Variants in TMEM62 observed in about 807,000 individuals in gnomAD.
TMEM62 encodes the protein transmembrane protein 62.
In TMEM62, 41 loss-of-function variants were observed where a neutral mutation model predicts 70.4. That is an observed-to-expected ratio of 0.58 (90% CI 0.45 to 0.76). The LOEUF (loss-of-function observed/expected upper bound fraction) is 0.76, where lower values mean the gene tolerates loss of function less well. Ranked by LOEUF, TMEM62 falls within the 30% of genes least tolerant of loss-of-function variation. The pLI is 0.00. For missense variants in TMEM62, 688 were observed against 788.5 expected, an observed-to-expected ratio of 0.87 and a Z score of 1.53; for synonymous variants, 268 against 291.0, an observed-to-expected ratio of 0.92 and a Z score of 0.80.
intron 3 of TMEM62, among the ~76,000 whole-genome samples, chr15:43,138,122 C>T (rs2035491775): frequency 6.6e-6 from 1 of 152,152 alleles, no homozygotes; most frequent in South Asian, 2.1e-4. Context: ...ATCAAGATTC[C>T]AGGGTTTTAG....
rs1264126540 is a variant in TMEM62 at position 43,184,822 on chromosome 15, A to T, written c.*236A>T. On this transcript the variant is annotated 3_prime_UTR_variant, in exon 14 of 14. Transcript: ENST00000260403. ...TCCTTCCCTCCCTAAGGAGGCAAAG[A>T]GTTGATTTACCTTTGTGAAGAGAAA... 4 of 560,084 alleles carry T rather than the reference A, an allele frequency of 7.1e-6. No individual in the cohort carries two copies. Among genetic ancestry groups the T allele is most frequent in the Admixed American group, 6.4e-5 (2 of 31,322 alleles). 34.7% of individuals were successfully genotyped at this position (560,084 alleles called of 1,614,324 possible).
intron 12 of TMEM62, 105 bp from the exon 13 acceptor site, chr15:43,181,076 C>A: frequency 1.3e-6 from 1 of 758,326 alleles, no homozygotes; most frequent in Non-Finnish European, 2.3e-6. Context: ...TTATAGATGG[C>A]TAGTCTCATA....
At chr15:43,134,190 G>C (rs1223629911) in intron 1 of TMEM62, 67 bp from the exon 2 acceptor site, 7 of 1,551,728 alleles carry the variant, frequency 4.5e-6, no homozygotes, top group Non-Finnish European at 5.3e-6. Context: ...GAGAGCCGCT[G>C]AGCCGCCCCT....
Position 43,150,670 on chromosome 15 carries a change from T to G in TMEM62, c.867-1120T>G, listed in dbSNP as rs544612950. On this transcript the variant is annotated intron_variant, in intron 7 of 13. Coordinates refer to ENST00000260403, the MANE Select transcript of TMEM62 (RefSeq NM_024956.4). Reference sequence around the variant, plus strand: ...GTCAGAACAACTCTTATCCATGGGATGAGTCAGTAATTCAGACTTCCTCCA... The same window carrying G: ...GTCAGAACAACTCTTATCCATGGGAGGAGTCAGTAATTCAGACTTCCTCCA... Among the ~76,000 whole-genome samples, 5 of 152,384 alleles carry G rather than the reference T, an allele frequency of 3.3e-5. 1 individual carries two copies. In the South Asian group the frequency reaches 1.0e-3, roughly 32 times the overall value.
intron 12 of TMEM62, among the ~76,000 whole-genome samples, chr15:43,180,496 GA>G (rs1019702049): frequency 3.9e-5 from 6 of 152,026 alleles, no homozygotes; most frequent in Non-Finnish European, 8.8e-5. Flanking sequence ...CACTCTTATG[GA>G]GACCAGCACA....
At chr15:43,141,251 G>T (rs976559480) in intron 4 of TMEM62, among the ~76,000 whole-genome samples, 1 of 152,188 alleles carries the variant, frequency 6.6e-6, no homozygotes, top group Non-Finnish European at 1.5e-5. Context: ...TCTGTTCCTG[G>T]ATGTGGGTTC....
chr15:43,156,056 A>C lies in TMEM62; in HGVS notation c.1182+1225A>C, dbSNP rs1419947893. Among the ~76,000 whole-genome samples, 11 of 152,142 alleles carry C rather than the reference A, an allele frequency of 7.2e-5. No individual in the cohort carries two copies. The East Asian group carries it at 1.9e-3, about 27-fold the overall frequency. ...CTTAAACACACACACACACACACAC[A>C]CCTGTCAATTTCTGCAACTTTATGA... On this transcript the variant is annotated intron_variant, in intron 9 of 13. Coordinates refer to ENST00000260403, the MANE Select transcript of TMEM62 (RefSeq NM_024956.4).
Position 43,150,358 on chromosome 15 carries a change from A to G in TMEM62, c.866+1207A>G, listed in dbSNP as rs185991952. Among the ~76,000 whole-genome samples, 103 of 152,194 alleles carry G rather than the reference A, an allele frequency of 6.8e-4. 2 individuals are homozygous for G. In the East Asian group the frequency reaches 0.01, roughly 15 times the overall value. On this transcript the variant is annotated intron_variant, in intron 7 of 13. Coordinates refer to ENST00000260403, the MANE Select transcript of TMEM62 (RefSeq NM_024956.4). ...CTTGACCAGCTTCTTTATTTCTTCT[A>G]AGTGCTCTAGTTACAAGTTGTGATG...
intron 11 of TMEM62, among the ~76,000 whole-genome samples, chr15:43,170,397 G>C (rs1296158960): frequency 6.6e-6 from 1 of 152,112 alleles, no homozygotes; most frequent in Non-Finnish European, 1.5e-5. Context: ...ATCCTTGGGA[G>C]GCATGCCAAA....
At chr15:43,145,407 A>G (rs916627444) in intron 4 of TMEM62, among the ~76,000 whole-genome samples, 3 of 151,844 alleles carry the variant, frequency 2.0e-5, no homozygotes, top group African/African-American at 7.2e-5. Context: ...GGGTTTCACC[A>G]TGTTAGCCAG....
At chr15:43,173,080 T>C (rs2040370155) in intron 11 of TMEM62, among the ~76,000 whole-genome samples, 2 of 152,026 alleles carry the variant, frequency 1.3e-5, no homozygotes, top group African/African-American at 4.8e-5. Context: ...ATACAAAAAA[T>C]AGCCGGGTGT....
At chr15:43,174,674 C>T (rs2040547591) in intron 11 of TMEM62, among the ~76,000 whole-genome samples, 1 of 152,108 alleles carries the variant, frequency 6.6e-6, no homozygotes, top group African/African-American at 2.4e-5. Flanking sequence ...TGTAAATTGT[C>T]CAAGGTTTCA....
At chr15:43,163,608 C>T (rs1410692069) in intron 10 of TMEM62, among the ~76,000 whole-genome samples, 1 of 151,928 alleles carries the variant, frequency 6.6e-6, no homozygotes, top group African/African-American at 2.4e-5. Flanking sequence ...TGGTGAAACC[C>T]CGTCTCTACT....
At chr15:43,176,550 C>A (rs1335430357) in intron 11 of TMEM62, among the ~76,000 whole-genome samples, 1 of 152,194 alleles carries the variant, frequency 6.6e-6, no homozygotes, top group East Asian at 1.9e-4. Flanking sequence ...TCTGCAGCCA[C>A]CACTGATGAT....
chr15:43,136,945 T>A (rs2035309552), intron 3 of TMEM62, among the ~76,000 whole-genome samples: 1 of 151,844 alleles, frequency 6.6e-6, no homozygotes, highest in Non-Finnish European at 1.5e-5. Context: ...TGGAGTTGGG[T>A]TCTTGCTATG....
chr15:43,153,960 C>A (rs2037729872), intron 8 of TMEM62, among the ~76,000 whole-genome samples: 1 of 152,154 alleles, frequency 6.6e-6, no homozygotes. Flanking sequence ...TTCCCACCAG[C>A]AGTGTATCAG....
At chr15:43,137,664 C>A (rs1162584815) in intron 3 of TMEM62, among the ~76,000 whole-genome samples, 1 of 152,242 alleles carries the variant, frequency 6.6e-6, no homozygotes, top group Non-Finnish European at 1.5e-5. Context: ...TGTACTTTGG[C>A]TTAAGACTGC....
At chr15:43,149,313 G>A (rs746407565) in intron 7 of TMEM62, among the ~76,000 whole-genome samples, 162 bp downstream of exon 7, 25 of 151,994 alleles carry the variant, frequency 1.6e-4, no homozygotes, top group Non-Finnish European at 3.5e-4. Flanking sequence ...GTCATTTTGC[G>A]GAAACCTTGT....
intron 9 of TMEM62, among the ~76,000 whole-genome samples, chr15:43,158,635 A>G (rs967674917): frequency 6.6e-6 from 1 of 152,192 alleles, no homozygotes; most frequent in Non-Finnish European, 1.5e-5. Flanking sequence ...AAATGGTGAT[A>G]TTCACATTTT....
Sources: gnomAD v4.1 joint callset for allele counts (sites outside exome capture counted in the v4.1 genomes callset) on GRCh38, gnomAD v4.1.1 for gene constraint, MANE v1.5 for transcripts, NCBI Gene and HGNC (gene_info 2026-07-23, HGNC 2026-07-21) for gene names.